The following MPHOSPH8 variants were observed in gnomAD, a reference collection of about 807,000 sequenced individuals.
MPHOSPH8 encodes M-phase phosphoprotein, mpp.
In MPHOSPH8, 45 loss-of-function variants were observed where a neutral mutation model predicts 87.3. The ratio of observed to expected loss-of-function variants is 0.52; its 90% CI spans 0.41 to 0.66. MPHOSPH8 has a LOEUF of 0.66. Among genes scored for constraint, MPHOSPH8 ranks in the 30% least tolerant of loss-of-function variants. The pLI, the probability that MPHOSPH8 is intolerant of heterozygous loss-of-function variation, is 0.00. For missense variants in MPHOSPH8, 883 were observed against 1,020.2 expected (o/e 0.87, Z 1.83); for synonymous variants, 366 against 376.9 (o/e 0.97, Z 0.33).
At chr13:19,650,503 G>A (rs1306367375) in intron 5 of MPHOSPH8, 1 of 367,166 alleles carries the variant, frequency 2.7e-6, no homozygotes, top group Non-Finnish European at 4.8e-6. Context: ...AAAGATTTCT[G>A]ATTTTCTACC....
intron 9 of MPHOSPH8, among the ~76,000 whole-genome samples, chr13:19,665,515 G>A (rs1341385879): frequency 2.0e-5 from 3 of 152,086 alleles, no homozygotes; most frequent in Non-Finnish European, 2.9e-5. Context: ...CCTGGACGGC[G>A]TCCCTAACCT....
chr13:19,659,987 TG>T (rs1177750064), intron 7 of MPHOSPH8, among the ~76,000 whole-genome samples: 20 of 131,814 alleles, frequency 1.5e-4, no homozygotes, highest in Non-Finnish European at 1.1e-4. Flanking sequence ...TTTGAGACAG[TG>T]TCTCGCTCTG....
Position 19,649,986 on chromosome 13 carries a change from T to G in MPHOSPH8, c.1319-17T>G. On this transcript the variant is annotated splice_polypyrimidine_tract_variant and intron_variant, in intron 4 of 13. Coordinates refer to ENST00000361479, the MANE Select transcript of MPHOSPH8 (RefSeq NM_017520.4). Reference sequence around the variant, plus strand: ...TTGTGACTCATACTTAACCATCTATTTTAATTTTTTCGTTAGCACTTAAGG... The same window carrying G: ...TTGTGACTCATACTTAACCATCTATGTTAATTTTTTCGTTAGCACTTAAGG... 15 of 1,538,326 alleles carry G rather than the reference T, an allele frequency of 9.8e-6. No homozygotes were observed. Among genetic ancestry groups the G allele is most frequent in the Non-Finnish European group, 1.3e-5 (15 of 1,137,402 alleles).
At chr13:19,648,957 G>A (rs962101130) in intron 4 of MPHOSPH8, among the ~76,000 whole-genome samples, 1 of 152,208 alleles carries the variant, frequency 6.6e-6, no homozygotes, top group Non-Finnish European at 1.5e-5. Flanking sequence ...TTTAGTTTCT[G>A]TAGCAAAAGT....
Position 19,670,835 on chromosome 13 carries a change from T to TTTG in MPHOSPH8, c.2458-371_2458-370insTTG. The TTTG allele has an allele frequency of 4.8e-6, 4 of 839,768 alleles. No individual in the cohort carries two copies. The African/African-American group carries it at 5.3e-5, about 11-fold the overall frequency. The allele number at this position is 839,768 out of a possible 1,614,324, so 52.0% of individuals were successfully genotyped here. A position where few individuals can be genotyped will look rare whatever the true frequency, so the allele number is the denominator to read the frequency against. On this transcript the variant is annotated intron_variant, in intron 12 of 13. Coordinates refer to ENST00000361479, the MANE Select transcript of MPHOSPH8 (RefSeq NM_017520.4). ...AAATAAATCACTTTTTTTTTTTTTT[T>TTTG]GAAGACAGGGTCTCGCTCTGTTGTC...
chr13:19,664,543 AG>A (rs1470770754), intron 9 of MPHOSPH8, among the ~76,000 whole-genome samples: 6 of 152,214 alleles, frequency 3.9e-5, no homozygotes, highest in Non-Finnish European at 7.3e-5. Flanking sequence ...AATGCTGCTT[AG>A]TACAGAAGGG....
intron 7 of MPHOSPH8, 100 bp from the exon 8 acceptor site, chr13:19,661,597 TA>T (rs1423071391): frequency 7.9e-7 from 1 of 1,267,816 alleles, no homozygotes; most frequent in Non-Finnish European, 1.1e-6. Context: ...AATCAGTGCC[TA>T]TTAGTGATTT....
chr13:19,664,527 T>C (rs79985065), intron 9 of MPHOSPH8, among the ~76,000 whole-genome samples: 1,891 of 152,286 alleles, frequency 0.012, 30 homozygotes, highest in African/African-American at 0.043. Flanking sequence ...TTCATTTGTG[T>C]ATTTTAATGC....
intron 8 of MPHOSPH8, 108 bp from the exon 9 acceptor site, chr13:19,662,932 G>C: frequency 1.1e-6 from 1 of 944,066 alleles, no homozygotes; most frequent in Non-Finnish European, 1.6e-6. Context: ...AACCACTTGT[G>C]ATAGAACCTG....
rs78134550 is a variant in MPHOSPH8, at chr13:19,643,228, G to A, written c.369+958G>A. The stretch of plus-strand genomic sequence containing the variant: ...ATCTGTCTTCAGGTTATACGTAGAT[G>A]TATGATTTTTTTCTTTTCTTCTCAT... On this transcript the variant is annotated intron_variant, in intron 2 of 13. Coordinates refer to ENST00000361479, the MANE Select transcript of MPHOSPH8 (RefSeq NM_017520.4). Among the ~76,000 whole-genome samples, 946 of 152,244 alleles carry A rather than the reference G, an allele frequency of 6.2e-3. 14 individuals carry two copies. The highest frequency in any genetic ancestry group is 0.02 in the African/African-American group (826 of 41,554).
chr13:19,662,906 G>A, intron 8 of MPHOSPH8, 134 bp from the exon 9 acceptor site: 1 of 746,772 alleles, frequency 1.3e-6, no homozygotes, highest in Non-Finnish European at 2.2e-6. Flanking sequence ...GGCCCCACGG[G>A]AATGCTGCAG....
rs199507481 is a variant in MPHOSPH8, at chr13:19,643,655, AT to A, written c.369+1393del. 4.9e-3 allele frequency among the ~76,000 whole-genome samples: 749 copies of A among 151,924 alleles called. 8 individuals are homozygous for A. The highest frequency in any genetic ancestry group is 0.017 in the African/African-American group (718 of 41,484). The stretch of plus-strand genomic sequence containing the variant: ...TTTTATTCAGAAAACAAATATGGGT[AT>A]TTTTTTTGGCACCAGTACATTTTCA... On this transcript the variant is annotated intron_variant, in intron 2 of 13. Coordinates refer to ENST00000361479, the MANE Select transcript of MPHOSPH8 (RefSeq NM_017520.4).
chr13:19,657,525 G>A (rs1377407543), intron 5 of MPHOSPH8, among the ~76,000 whole-genome samples: 1 of 151,340 alleles, frequency 6.6e-6, no homozygotes, highest in African/African-American at 2.4e-5. Context: ...CCGAGATGGC[G>A]CCACTGCACT....
At chr13:19,662,473 G>C (rs1593487286) in intron 8 of MPHOSPH8, among the ~76,000 whole-genome samples, 1 of 151,760 alleles carries the variant, frequency 6.6e-6, no homozygotes, top group South Asian at 2.1e-4. Flanking sequence ...GCCCAGCCTG[G>C]GCTCAAGTGA....
chr13:19,666,321 T>A, intron 9 of MPHOSPH8, 104 bp from the exon 10 acceptor site: 1 of 1,224,446 alleles, frequency 8.2e-7, no homozygotes, highest in Admixed American at 2.1e-5. Flanking sequence ...TTCCATGGCC[T>A]GTGCCCTCTC....
chr13:19,660,047 C>T (rs533404671), intron 7 of MPHOSPH8, among the ~76,000 whole-genome samples: 2 of 150,078 alleles, frequency 1.3e-5, no homozygotes, highest in East Asian at 2.0e-4. Flanking sequence ...CTGCAAGCTC[C>T]GCCTCCCGGG....
rs568180947 is a variant in MPHOSPH8, at chr13:19,670,087, G to A, written c.2330-149G>A. 2,424 of 873,640 alleles carry A rather than the reference G, an allele frequency of 2.8e-3. 3 individuals are homozygous for A. Among genetic ancestry groups the A allele is most frequent in the Non-Finnish European group, 3.8e-3 (2,146 of 558,442 alleles). The allele number at this position is 873,640 out of a possible 1,614,324, so 54.1% of individuals were successfully genotyped here. A position where few individuals can be genotyped will look rare whatever the true frequency, so the allele number is the denominator to read the frequency against. On this transcript the variant is annotated intron_variant, in intron 11 of 13. Coordinates refer to ENST00000361479, the MANE Select transcript of MPHOSPH8 (RefSeq NM_017520.4). ...ATGCCAGGTGACACGAGCTTTGAGA[G>A]GGCCAGCCTCCTCTGAGCCTCCAGG...
At chr13:19,669,927 C>T (rs1261502044) in intron 11 of MPHOSPH8, among the ~76,000 whole-genome samples, 3 of 152,210 alleles carry the variant, frequency 2.0e-5, no homozygotes, top group East Asian at 3.8e-4. Context: ...GTCCCTGGGA[C>T]GTGTGCACAT....
At chr13:19,643,833 A>T (rs1315719885) in intron 2 of MPHOSPH8, among the ~76,000 whole-genome samples, 5 of 152,030 alleles carry the variant, frequency 3.3e-5, no homozygotes, top group Admixed American at 6.6e-5. Context: ...GCCTCAATAA[A>T]TCCATGCTGA....
Sources: allele counts gnomAD v4.1 joint callset (sites outside exome capture counted in the v4.1 genomes callset), GRCh38; gene constraint gnomAD v4.1.1; transcripts MANE v1.5; gene names NCBI Gene and HGNC (gene_info 2026-07-23, HGNC 2026-07-21).